The following RANBP2 variants were observed in gnomAD, a reference collection of about 807,000 sequenced individuals.
The protein encoded by RANBP2 is E3 SUMO-protein ligase RanBP2.
A neutral mutation model predicts 303.6 loss-of-function variants in RANBP2; 57 were observed. The ratio of observed to expected loss-of-function variants is 0.19; its 90% CI spans 0.15 to 0.23. The LOEUF is 0.23. Among genes scored for constraint, RANBP2 ranks in the 10% least tolerant of loss-of-function variants. The pLI, the probability that RANBP2 is intolerant of heterozygous loss-of-function variation, is 1.00. For synonymous variants in RANBP2, 1,167 were observed against 1,301.5 expected, an observed-to-expected ratio of 0.90 and a Z score of 2.23; for missense variants, 3,138 against 3,780.8, an observed-to-expected ratio of 0.83 and a Z score of 4.46.
downstream of RANBP2, chr2:108,786,696 C>T (rs1269461847): frequency 4.5e-6 from 4 of 894,908 alleles, no homozygotes; most frequent in East Asian, 5.5e-5. Flanking sequence ...CCCGCCCCGC[C>T]CTTTCCCTGC....
the RANBP2 span, among the ~76,000 whole-genome samples, chr2:109,733,458 C>A: frequency 4.6e-5 from 7 of 152,146 alleles, no homozygotes; most frequent in African/African-American, 1.7e-4. Flanking sequence ...GGAAAACTTA[C>A]AGCTAACATT....
chr2:109,170,414 C>T, the RANBP2 span, among the ~76,000 whole-genome samples: 4 of 151,848 alleles, frequency 2.6e-5, no homozygotes, highest in African/African-American at 4.8e-5. Context: ...GGCACAATCT[C>T]GGCTCACTGC....
chr2:109,309,583 C>T, the RANBP2 span, among the ~76,000 whole-genome samples: 4 of 129,300 alleles, frequency 3.1e-5, 2 homozygotes, highest in African/African-American at 7.5e-5. Context: ...CAAGACCCAT[C>T]AGTGTGCTGT....
the RANBP2 span, chr2:109,614,208 G>A: frequency 9.3e-7 from 1 of 1,075,016 alleles, no homozygotes; most frequent in East Asian, 3.8e-5. Context: ...CCGGAAGTGG[G>A]CGGGCCTTGA....
the RANBP2 span, among the ~76,000 whole-genome samples, chr2:109,662,797 T>A: frequency 3.9e-5 from 6 of 152,184 alleles, no homozygotes; most frequent in African/African-American, 1.4e-4. Context: ...TCTCAGAGGA[T>A]GTGAACTAAA....
At chr2:108,720,014 GGGGCTT>G in intron 1 of RANBP2, 1 of 985,312 alleles carries the variant, frequency 1.0e-6, no homozygotes, top group Non-Finnish European at 1.2e-6. Context: ...CTAGTTCTCG[GGGGCTT>G]GGGCACCCGG....
At chr2:108,913,177 C>T in the RANBP2 span, among the ~76,000 whole-genome samples, 1 of 152,076 alleles carries the variant, frequency 6.6e-6, no homozygotes, top group African/African-American at 2.4e-5. Context: ...GCTCGATCTC[C>T]TGACCTTGTG....
the RANBP2 span, among the ~76,000 whole-genome samples, chr2:108,840,430 A>G: frequency 6.6e-6 from 1 of 152,170 alleles, no homozygotes; most frequent in Admixed American, 6.5e-5. Flanking sequence ...AACATTTGGT[A>G]GAATTCTCCA....
chr2:109,034,772 C>T, the RANBP2 span, among the ~76,000 whole-genome samples: 3 of 152,202 alleles, frequency 2.0e-5, no homozygotes, highest in African/African-American at 7.2e-5. Context: ...GAGAAGGCCT[C>T]CTCAAAAACC....
At chr2:108,945,682 T>G in the RANBP2 span, among the ~76,000 whole-genome samples, 1 of 152,202 alleles carries the variant, frequency 6.6e-6, no homozygotes, top group Non-Finnish European at 1.5e-5. Context: ...CCCAAATGGA[T>G]AAACAAAGTA....
At chr2:109,366,722 A>G in the RANBP2 span, among the ~76,000 whole-genome samples, 5 of 152,164 alleles carry the variant, frequency 3.3e-5, no homozygotes, top group African/African-American at 1.2e-4. Flanking sequence ...GTGTGGTGGC[A>G]CACGCCTGTG....
chr2:109,264,278 GC>G, the RANBP2 span, among the ~76,000 whole-genome samples: 1 of 141,052 alleles, frequency 7.1e-6, no homozygotes, highest in Non-Finnish European at 1.5e-5. Flanking sequence ...GTCTGTGGGT[GC>G]CCCCATCCAC....
the RANBP2 span, among the ~76,000 whole-genome samples, chr2:109,178,228 A>T: frequency 6.6e-6 from 1 of 152,212 alleles, no homozygotes; most frequent in Non-Finnish European, 1.5e-5. Context: ...TTGCAGAGTC[A>T]TATTCTATAA....
the RANBP2 span, among the ~76,000 whole-genome samples, chr2:109,740,133 C>T: frequency 3.3e-5 from 5 of 149,292 alleles, 1 homozygote; most frequent in African/African-American, 1.3e-4. Flanking sequence ...GGACTACAGG[C>T]GCAGGCCACC....
chr2:108,998,456 C>T, the RANBP2 span, among the ~76,000 whole-genome samples: 1 of 152,206 alleles, frequency 6.6e-6, no homozygotes, highest in Non-Finnish European at 1.5e-5. Flanking sequence ...CTCAGAGATG[C>T]TGGAAACAAC....
At chr2:108,911,102 C>T in the RANBP2 span, 5 of 1,613,764 alleles carry the variant, frequency 3.1e-6, no homozygotes, top group Admixed American at 1.7e-5. Context: ...ATGAATGACC[C>T]AGAGCTCAGG....
chr2:108,781,844 T>C (rs909699255), intron 26 of RANBP2, among the ~76,000 whole-genome samples: 2 of 152,194 alleles, frequency 1.3e-5, no homozygotes, highest in African/African-American at 4.8e-5. Context: ...TTCTCTTCAG[T>C]AGCAAACACT....
the RANBP2 span, among the ~76,000 whole-genome samples, chr2:109,456,226 G>C: frequency 2.8e-4 from 42 of 152,322 alleles, 1 homozygote; most frequent in East Asian, 7.4e-3. Flanking sequence ...ACTGGCGTTG[G>C]CTGGGCAGAA....
the RANBP2 span, among the ~76,000 whole-genome samples, chr2:108,983,946 G>C: frequency 5.9e-5 from 9 of 152,242 alleles, no homozygotes; most frequent in Non-Finnish European, 1.2e-4. Context: ...CAGCTGGCCA[G>C]TGGCTCTGCG....
Sources: gnomAD v4.1 joint callset for allele counts (sites outside exome capture counted in the v4.1 genomes callset) on GRCh38, gnomAD v4.1.1 for gene constraint, MANE v1.5 for transcripts, NCBI Gene and HGNC (gene_info 2026-07-23, HGNC 2026-07-21) for gene names.